Variants in NCBP1 observed in about 807,000 individuals in gnomAD.
The protein encoded by NCBP1 is nuclear cap-binding protein subunit 1.
NCBP1 carries 16 observed loss-of-function variants against 111.7 expected under a neutral mutation model. The ratio of observed to expected loss-of-function variants is 0.14; its 90% CI spans 0.10 to 0.22. The LOEUF (loss-of-function observed/expected upper bound fraction) is 0.22. NCBP1 is among the 10% of genes least tolerant of loss of function. The pLI is 1.00. For synonymous variants in NCBP1, 304 were observed against 314.3 expected (o/e 0.97, Z 0.35); for missense variants, 607 against 957.5 (o/e 0.63, Z 4.83).
chr9:97,669,594 G>T lies in NCBP1; in HGVS notation c.2147G>T (p.Arg716Leu). ...QKNLFLVIFQ[R>L]FIMILTEHLV... Reference sequence around the variant, plus strand: ...CCTTAACTTCTTCTCCCTTTCCAGCGGTTTATCATGATCTTGACCGAGCAC... The same window carrying T: ...CCTTAACTTCTTCTCCCTTTCCAGCTGTTTATCATGATCTTGACCGAGCAC... The change falls in exon 22 of 23, where the codon CGG becomes CTG. Residue 716 changes from arginine to leucine, a missense_variant and splice_region_variant. This residue lies in a region of NCBP1 where 282 missense variants were observed against 376.5 expected (regional missense o/e 0.75). Coordinates refer to ENST00000375147, the MANE Select transcript of NCBP1 (RefSeq NM_002486.5). 6.3e-7 allele frequency: 1 copy of T among 1,597,298 alleles called. No individual in the cohort carries two copies.
Position 97,645,597 on chromosome 9 carries a change from T to TA in NCBP1, c.490-9dup. 2 of 1,608,806 alleles carry TA rather than the reference T, an allele frequency of 1.2e-6. No homozygotes were observed. Among genetic ancestry groups the TA allele is most frequent in the Non-Finnish European group, 1.7e-6 (2 of 1,176,928 alleles). The stretch of plus-strand genomic sequence containing the variant: ...AAAGCATATTTTAAACTTAACTTTT[T>TA]AAAAATCCTTTAGGTGCGACGAGAT... On this transcript the variant is annotated splice_polypyrimidine_tract_variant and intron_variant, in intron 5 of 22. Transcript: ENST00000375147.
At chr9:97,647,370 C>T in intron 6 of NCBP1, 122 bp from the exon 7 acceptor site, 1 of 679,724 alleles carries the variant, frequency 1.5e-6, no homozygotes, top group Non-Finnish European at 2.5e-6. Flanking sequence ...CAGTTGATAT[C>T]TGCCACTCCA....
intron 12 of NCBP1, among the ~76,000 whole-genome samples, chr9:97,655,193 A>T (rs2131349278): frequency 6.6e-6 from 1 of 152,248 alleles, no homozygotes; most frequent in South Asian, 2.1e-4. Flanking sequence ...TCTGCCATTT[A>T]TAAAATGTTT....
rs1828183058 is a variant in NCBP1, at chr9:97,671,215, C to T, written c.*16C>T. On this transcript the variant is annotated 3_prime_UTR_variant, in exon 23 of 23. Transcript: ENST00000375147. ...GCAGGCCTAAGGGTCATTTTTTCCTCATGTCAAGGTTTTTTTTGATATCTT... is the reference window on the plus strand; with the variant it reads ...GCAGGCCTAAGGGTCATTTTTTCCTTATGTCAAGGTTTTTTTTGATATCTT... The T allele has an allele frequency of 1.3e-6, 2 of 1,528,830 alleles. No individual in the cohort carries two copies. The highest frequency in any genetic ancestry group is 1.8e-6 in the Non-Finnish European group (2 of 1,115,246). 94.7% of individuals were successfully genotyped at this position (1,528,830 alleles called of 1,614,324 possible).
chr9:97,665,038 T>TGATA (rs1228156147), intron 19 of NCBP1, among the ~76,000 whole-genome samples: 1 of 152,226 alleles, frequency 6.6e-6, no homozygotes, highest in Non-Finnish European at 1.5e-5. Flanking sequence ...ACTTTACAGC[T>TGATA]GATAGGACCA....
At chr9:97,655,983 C>A in intron 13 of NCBP1, 28 bp from the exon 14 acceptor site, 1 of 1,584,930 alleles carries the variant, frequency 6.3e-7, no homozygotes, top group Non-Finnish European at 8.7e-7. Context: ...TATATGTAAG[C>A]ATTGATAAAA....
intron 2 of NCBP1, among the ~76,000 whole-genome samples, chr9:97,641,351 A>G (rs1827199187): frequency 6.6e-6 from 1 of 152,144 alleles, no homozygotes; most frequent in African/African-American, 2.4e-5. Flanking sequence ...TAAACCCATT[A>G]TAGCTCTGTA....
chr9:97,650,638 A>G, intron 9 of NCBP1, 38 bp downstream of exon 9: 3 of 1,567,604 alleles, frequency 1.9e-6, no homozygotes, highest in Non-Finnish European at 2.6e-6. Context: ...AAGGGAGAGA[A>G]GCAGCAATTT....
At chr9:97,663,612 G>C (rs934512784) in intron 18 of NCBP1, among the ~76,000 whole-genome samples, 2 of 151,834 alleles carry the variant, frequency 1.3e-5, no homozygotes, top group African/African-American at 4.8e-5. Flanking sequence ...AGCCTCCCGA[G>C]TAGCTGGGAT....
In NCBP1 at chr9:97,633,896, G is replaced by C; in HGVS notation, c.15G>C (p.Arg5=). ...CGGAGGGCAGCATGTCGCGGCGGCG[G>C]CACAGCGACGAGAACGACGGTGAGT... is the stretch of plus-strand genomic sequence containing the variant. MSRR[R]HSDENDGGQP... is the part of the protein sequence containing the mutation. The change falls in exon 1 of 23, where the codon CGG becomes CGC. Residue 5 remains arginine, a synonymous_variant. Coordinates refer to ENST00000375147, the MANE Select transcript of NCBP1 (RefSeq NM_002486.5). 1 of 1,588,600 alleles carries C rather than the reference G, an allele frequency of 6.3e-7. No homozygotes were observed. Among genetic ancestry groups the C allele is most frequent in the South Asian group, 1.1e-5 (1 of 88,848 alleles).
chr9:97,648,705 G>A (rs1827415156), intron 8 of NCBP1, among the ~76,000 whole-genome samples: 1 of 152,108 alleles, frequency 6.6e-6, no homozygotes, highest in South Asian at 2.1e-4. Flanking sequence ...AGTCATTCTG[G>A]CAATTTTTCT....
intron 20 of NCBP1, 108 bp from the exon 21 acceptor site, chr9:97,668,738 A>G: frequency 2.4e-6 from 3 of 1,273,164 alleles, no homozygotes; most frequent in Non-Finnish European, 3.2e-6. Flanking sequence ...TCACTATAGA[A>G]TATAAGTCTT....
At position 97,672,093 on chromosome 9, in the gene NCBP1, CA is replaced by C; in HGVS notation, c.*900del. 1 of 152,072 alleles carries C rather than the reference CA, an allele frequency of 6.6e-6. No individual in the cohort carries two copies. The highest frequency in any genetic ancestry group is 1.5e-5 in the Non-Finnish European group (1 of 68,010). 9.4% of individuals were successfully genotyped at this position (152,072 alleles called of 1,614,324 possible). ...GATTTTGTTTATATGGAACCTGATC[CA>C]AAAAACTACGAAGTCCTGAGCTTGT... is the stretch of plus-strand genomic sequence containing the variant. On this transcript the variant is annotated 3_prime_UTR_variant, in exon 23 of 23. Coordinates refer to ENST00000375147, the MANE Select transcript of NCBP1 (RefSeq NM_002486.5).
intron 3 of NCBP1, among the ~76,000 whole-genome samples, chr9:97,642,083 C>G (rs1337007487): frequency 6.6e-6 from 1 of 152,034 alleles, no homozygotes; most frequent in Non-Finnish European, 1.5e-5. Flanking sequence ...GGCATACTCT[C>G]TGGATAAATG....
At chr9:97,641,811 C>A in intron 3 of NCBP1, 149 bp downstream of exon 3, 1 of 852,292 alleles carries the variant, frequency 1.2e-6, no homozygotes, top group Non-Finnish European at 1.6e-6. Context: ...CAACCTTTGG[C>A]GCTTTGGCGA....
intron 22 of NCBP1, among the ~76,000 whole-genome samples, chr9:97,670,725 T>G (rs767281652): frequency 3.3e-5 from 5 of 152,332 alleles, no homozygotes; most frequent in Middle Eastern, 3.4e-3. Flanking sequence ...GTCTGGCTGC[T>G]TTTTAAAAAG....
chr9:97,638,783 A>C (rs1206246472), intron 1 of NCBP1, among the ~76,000 whole-genome samples: 1 of 152,106 alleles, frequency 6.6e-6, no homozygotes, highest in African/African-American at 2.4e-5. Context: ...CCTGGCCCCT[A>C]CCCACTAGAT....
At position 97,672,392 on chromosome 9, in the gene NCBP1, T is replaced by C. The variant is rs1196614310; in HGVS notation, c.*1193T>C. 3 of 152,196 alleles carry C rather than the reference T, an allele frequency of 2.0e-5. No individual in the cohort carries two copies. Among genetic ancestry groups the C allele is most frequent in the Admixed American group, 1.3e-4 (2 of 15,280 alleles). 9.4% of individuals were successfully genotyped at this position (152,196 alleles called of 1,614,324 possible). A position where few individuals can be genotyped will look rare whatever the true frequency, so the allele number is the denominator to read the frequency against. On this transcript the variant is annotated 3_prime_UTR_variant, in exon 23 of 23. Coordinates refer to ENST00000375147, the MANE Select transcript of NCBP1 (RefSeq NM_002486.5). ...ATTTTTGCTTTGGTTTACCATACAT[T>C]TTAGTGGCTACAGAATGTAGTCTGC...
chr9:97,638,567 T>C (rs931471616), intron 1 of NCBP1, among the ~76,000 whole-genome samples: 2 of 152,172 alleles, frequency 1.3e-5, no homozygotes, highest in Non-Finnish European at 1.5e-5. Flanking sequence ...AACAGTGTGC[T>C]TAAGGTTTAA....
Sources: gnomAD v4.1 joint callset for allele counts (sites outside exome capture counted in the v4.1 genomes callset) on GRCh38, gnomAD v4.1.1 for gene constraint, gnomAD v4.1.1 regional missense constraint, MANE v1.5 for transcripts, NCBI Gene and HGNC (gene_info 2026-07-23, HGNC 2026-07-21) for gene names.